Variants in COL8A1 observed in about 807,000 individuals in gnomAD.
COL8A1 encodes collagen alpha-1(VIII) chain.
A neutral mutation model predicts 42.7 loss-of-function variants in COL8A1; 21 were observed. The ratio of observed to expected loss-of-function variants is 0.49; its 90% CI spans 0.35 to 0.71. COL8A1 has a LOEUF of 0.71. Ranked by LOEUF, COL8A1 falls within the 30% of genes least tolerant of loss-of-function variation. COL8A1 has a pLI of 0.01. For synonymous variants in COL8A1, 367 were observed against 369.1 expected (o/e 0.99, Z 0.06); for missense variants, 788 against 962.4 (o/e 0.82, Z 2.40).
chr3:99,694,517 T>C (rs1939314392), intron 1 of COL8A1, among the ~76,000 whole-genome samples: 1 of 152,132 alleles, frequency 6.6e-6, no homozygotes, highest in Non-Finnish European at 1.5e-5. Flanking sequence ...TGGTGCCATG[T>C]GCACGCTTTG....
intron 1 of COL8A1, among the ~76,000 whole-genome samples, chr3:99,654,778 AC>A (rs1461258727): frequency 6.6e-6 from 1 of 151,614 alleles, no homozygotes; most frequent in Non-Finnish European, 1.5e-5. Context: ...ACAGAGTAAG[AC>A]CCTGTCTCAA....
intron 2 of COL8A1, among the ~76,000 whole-genome samples, chr3:99,773,835 A>ATTTTTTTTTTTTTTTTTTT (rs1300546434): frequency 1.4e-5 from 1 of 70,364 alleles, no homozygotes; most frequent in Non-Finnish European, 2.6e-5. Flanking sequence ...ATATATATAT[A>ATTTTTTTTTTTTTTTTTTT]TATTTTTTTT....
At chr3:99,788,754 A>T (rs1414037161) in intron 2 of COL8A1, among the ~76,000 whole-genome samples, 1 of 152,244 alleles carries the variant, frequency 6.6e-6, no homozygotes, top group Non-Finnish European at 1.5e-5. Context: ...AAAAAATAGA[A>T]GTGTGTATAG....
At chr3:99,726,608 C>A (rs1940336075) in intron 1 of COL8A1, among the ~76,000 whole-genome samples, 1 of 152,078 alleles carries the variant, frequency 6.6e-6, no homozygotes. Flanking sequence ...AGGAAGGGAT[C>A]CAGTTTCAGC....
intron 1 of COL8A1, among the ~76,000 whole-genome samples, chr3:99,675,220 C>T (rs892614513): frequency 7.2e-5 from 11 of 151,838 alleles, no homozygotes; most frequent in Non-Finnish European, 1.5e-4. Context: ...AAAGCTAGAG[C>T]CATAGTAAAC....
At chr3:99,783,765 C>T (rs1193955702) in intron 2 of COL8A1, among the ~76,000 whole-genome samples, 1 of 152,118 alleles carries the variant, frequency 6.6e-6, no homozygotes, top group Non-Finnish European at 1.5e-5. Flanking sequence ...GGGGGATCTG[C>T]CAAACACTTT....
intron 1 of COL8A1, among the ~76,000 whole-genome samples, chr3:99,648,302 T>G (rs1181104015): frequency 3.3e-5 from 5 of 152,186 alleles, no homozygotes; most frequent in Non-Finnish European, 7.3e-5. Flanking sequence ...CTTCTCATGA[T>G]GTCTTGTCCT....
chr3:99,700,400 G>A (rs1939502353), intron 1 of COL8A1, among the ~76,000 whole-genome samples: 1 of 151,876 alleles, frequency 6.6e-6, no homozygotes. Flanking sequence ...ACACTCCACT[G>A]GGAGTCACAG....
intron 1 of COL8A1, chr3:99,691,706 A>ATTT (rs1447480530): frequency 0.017 from 2,151 of 127,476 alleles, 24 homozygotes; most frequent in Non-Finnish European, 0.021. Context: ...TTTTTTTAAA[A>ATTT]AAAAAAAAAA....
At position 99,790,952 on chromosome 3, in the gene COL8A1, G is replaced by A; in HGVS notation, c.270G>A (p.Met90Ile). The change falls in exon 3 of 4, where the codon ATG becomes ATA. Residue 90 changes from methionine to isoleucine, a missense_variant. Met to Ile is a conservative substitution (Grantham distance 10). Around this residue, in one of 4 missense-constraint regions of COL8A1, gnomAD observed 421 missense variants for 553.1 expected, o/e 0.76. Coordinates refer to ENST00000652472, the MANE Select transcript of COL8A1 (RefSeq NM_020351.4). ...AGTATCCACACCTACCCCAATATAT[G>A]AAGGAAATTCAACCGGCGCCAAGAA... ...GKEYPHLPQYMKEIQPAPRMG... is the reference protein window; with the variant it reads ...GKEYPHLPQYIKEIQPAPRMG... 1 of 1,613,944 alleles carries A rather than the reference G, an allele frequency of 6.2e-7. No individual in the cohort carries two copies. The highest frequency in any genetic ancestry group is 1.7e-5 in the Admixed American group (1 of 60,032).
At chr3:99,742,817 C>T (rs1259707672) in intron 1 of COL8A1, among the ~76,000 whole-genome samples, 2 of 152,080 alleles carry the variant, frequency 1.3e-5, no homozygotes. Context: ...TAACAGTGAT[C>T]TTCAGCATTT....
intron 2 of COL8A1, among the ~76,000 whole-genome samples, chr3:99,755,483 C>T (rs1610509): frequency 0.5 from 75,494 of 151,970 alleles, 19,023 homozygotes; most frequent in East Asian, 0.67. Flanking sequence ...CCATTCTACC[C>T]TTAAAGCTTA....
intron 1 of COL8A1, among the ~76,000 whole-genome samples, chr3:99,648,949 C>G (rs1321165785): frequency 6.6e-6 from 1 of 152,106 alleles, no homozygotes; most frequent in East Asian, 1.9e-4. Context: ...AAATATACCT[C>G]AAGCCCTTCC....
intron 1 of COL8A1, among the ~76,000 whole-genome samples, chr3:99,706,337 A>G (rs568525641): frequency 2.0e-4 from 30 of 152,292 alleles, no homozygotes; most frequent in Admixed American, 1.0e-3. Context: ...AATTTTCTCA[A>G]TGAAAACCAG....
rs1397320558 is a variant in COL8A1 at position 99,772,855 on chromosome 3, A to G, written c.-3-17825A>G. 8.5e-5 allele frequency among the ~76,000 whole-genome samples: 13 copies of G among 152,142 alleles called. 1 individual carries two copies. The highest frequency in any genetic ancestry group is 2.9e-5 in the Non-Finnish European group (2 of 68,016). ...CCTGAAGATGTCTGTACTAATGGGAACAAATAACCCATACATAACAATGAG... is the reference window on the plus strand; with the variant it reads ...CCTGAAGATGTCTGTACTAATGGGAGCAAATAACCCATACATAACAATGAG... On this transcript the variant is annotated intron_variant, in intron 2 of 3. Transcript: ENST00000652472.
At chr3:99,785,998 G>A (rs563865523) in intron 2 of COL8A1, among the ~76,000 whole-genome samples, 1 of 151,834 alleles carries the variant, frequency 6.6e-6, no homozygotes, top group African/African-American at 2.4e-5. Context: ...TCAAAATGAG[G>A]TCAGGCATGG....
At chr3:99,763,391 T>C (rs546043984) in intron 2 of COL8A1, among the ~76,000 whole-genome samples, 1 of 152,134 alleles carries the variant, frequency 6.6e-6, no homozygotes, top group African/African-American at 2.4e-5. Flanking sequence ...CTAAGTAAGA[T>C]AGGCTGTGCA....
At chr3:99,653,253 GC>G (rs1236123282) in intron 1 of COL8A1, among the ~76,000 whole-genome samples, 1 of 152,144 alleles carries the variant, frequency 6.6e-6, no homozygotes, top group Non-Finnish European at 1.5e-5. Flanking sequence ...GCAAATAAGG[GC>G]ACTAAGAATC....
chr3:99,639,524 C>A (rs1937461373), intron 1 of COL8A1, among the ~76,000 whole-genome samples: 2 of 152,088 alleles, frequency 1.3e-5, no homozygotes, highest in African/African-American at 4.8e-5. Flanking sequence ...ACCTTTTTTC[C>A]CCCGCATTTA....
Sources: gnomAD v4.1 joint callset for allele counts (sites outside exome capture counted in the v4.1 genomes callset) on GRCh38, gnomAD v4.1.1 for gene constraint, gnomAD v4.1.1 regional missense constraint, MANE v1.5 for transcripts, NCBI Gene and HGNC (gene_info 2026-07-23, HGNC 2026-07-21) for gene names.